AFG1L: variants seen among roughly 807,000 people sequenced by gnomAD.
The protein encoded by AFG1L is AFG1-like ATPase.
A neutral mutation model predicts 62.2 loss-of-function variants in AFG1L; 53 were observed. That is an observed-to-expected ratio of 0.85 (90% CI 0.68 to 1.07). AFG1L has a LOEUF of 1.07. Among genes scored for constraint, AFG1L ranks in the 50% least tolerant of loss-of-function variants. AFG1L has a pLI of 0.00. For missense variants in AFG1L, 555 were observed against 590.5 expected, an observed-to-expected ratio of 0.94 and a Z score of 0.62; for synonymous variants, 228 against 210.3, an observed-to-expected ratio of 1.08 and a Z score of -0.73.
intron 6 of AFG1L, among the ~76,000 whole-genome samples, chr6:108,399,589 A>G (rs1290658777): frequency 2.0e-5 from 3 of 151,016 alleles, no homozygotes; most frequent in Non-Finnish European, 4.4e-5. Flanking sequence ...TACTGCTGGC[A>G]TATATAAATG....
chr6:108,474,094 T>C (rs1187567318), intron 8 of AFG1L, among the ~76,000 whole-genome samples: 3 of 152,224 alleles, frequency 2.0e-5, no homozygotes, highest in Admixed American at 2.0e-4. Flanking sequence ...CCATGTGTTC[T>C]CATTGTTCAG....
At chr6:108,361,441 T>A (rs1779524427) in intron 5 of AFG1L, among the ~76,000 whole-genome samples, 1 of 151,804 alleles carries the variant, frequency 6.6e-6, no homozygotes, top group Non-Finnish European at 1.5e-5. Context: ...TAATGAAGAG[T>A]CAGGCAGAGA....
At chr6:108,500,044 A>C (rs1188521407) in intron 10 of AFG1L, among the ~76,000 whole-genome samples, 1 of 152,094 alleles carries the variant, frequency 6.6e-6, no homozygotes, top group African/African-American at 2.4e-5. Context: ...AAGTGAGAAC[A>C]TGCAGTATTT....
At chr6:108,324,441 A>G (rs1314222019) in intron 2 of AFG1L, among the ~76,000 whole-genome samples, 1 of 152,164 alleles carries the variant, frequency 6.6e-6, no homozygotes, top group African/African-American at 2.4e-5. Context: ...GAGAAGAATG[A>G]AAGATTAGAG....
At chr6:108,340,563 C>T (rs570421166) in intron 2 of AFG1L, among the ~76,000 whole-genome samples, 57 of 152,140 alleles carry the variant, frequency 3.7e-4, no homozygotes, top group Non-Finnish European at 4.9e-4. Context: ...CAGGGTCTCA[C>T]CATGTTGGTC....
intron 6 of AFG1L, chr6:108,387,727 T>A (rs938169850): frequency 3.9e-5 from 6 of 152,170 alleles, no homozygotes; most frequent in African/African-American, 1.4e-4. Context: ...AAGGGACAAG[T>A]CATAGATTAA....
intron 10 of AFG1L, among the ~76,000 whole-genome samples, chr6:108,494,775 CT>C (rs757204340): frequency 7.8e-4 from 111 of 142,156 alleles, no homozygotes; most frequent in South Asian, 1.8e-3. Context: ...CTTTTCTTTT[CT>C]TTTTTTTTTT....
intron 8 of AFG1L, among the ~76,000 whole-genome samples, chr6:108,475,629 T>A (rs1191859634): frequency 1.3e-5 from 2 of 152,212 alleles, no homozygotes; most frequent in Non-Finnish European, 2.9e-5. Flanking sequence ...CTCATGGAAG[T>A]CAAATAGCAT....
intron 1 of AFG1L, among the ~76,000 whole-genome samples, chr6:108,314,880 C>T (rs575953067): frequency 2.0e-5 from 3 of 152,176 alleles, no homozygotes; most frequent in South Asian, 2.1e-4. Flanking sequence ...CTTGCTCTCA[C>T]CCAGGCTAGA....
intron 6 of AFG1L, among the ~76,000 whole-genome samples, chr6:108,379,300 G>A (rs1201744729): frequency 6.6e-5 from 10 of 152,166 alleles, no homozygotes; most frequent in Admixed American, 2.0e-4. Context: ...ATGAGCCACC[G>A]CGCCCGGCTG....
chr6:108,302,697 A>G (rs555678130), intron 1 of AFG1L, among the ~76,000 whole-genome samples: 1 of 152,326 alleles, frequency 6.6e-6, no homozygotes, highest in African/African-American at 2.4e-5. Flanking sequence ...GATTCCTTAA[A>G]GGAAAGCACA....
intron 6 of AFG1L, among the ~76,000 whole-genome samples, chr6:108,384,795 T>C (rs1263153372): frequency 6.9e-6 from 1 of 145,348 alleles, no homozygotes; most frequent in Non-Finnish European, 1.5e-5. Flanking sequence ...AAATATAATA[T>C]CTTATATAAA....
At chr6:108,331,235 G>A (rs1185053160) in intron 2 of AFG1L, among the ~76,000 whole-genome samples, 3 of 152,120 alleles carry the variant, frequency 2.0e-5, no homozygotes, top group African/African-American at 4.8e-5. Context: ...GCAGTAAGCC[G>A]AGATCGTGCC....
chr6:108,505,633 A>G (rs1385626927), intron 10 of AFG1L, among the ~76,000 whole-genome samples: 1 of 152,180 alleles, frequency 6.6e-6, no homozygotes, highest in Non-Finnish European at 1.5e-5. Context: ...ATCTAGAGAT[A>G]ATAAAAAGAG....
At chr6:108,457,753 G>A (rs951050354) in intron 8 of AFG1L, among the ~76,000 whole-genome samples, 1 of 151,912 alleles carries the variant, frequency 6.6e-6, no homozygotes, top group Non-Finnish European at 1.5e-5. Flanking sequence ...TAAAGGACAC[G>A]GTTTAACATT....
intron 1 of AFG1L, among the ~76,000 whole-genome samples, chr6:108,301,353 C>T (rs118054672): frequency 2.6e-5 from 4 of 152,276 alleles, no homozygotes; most frequent in East Asian, 1.9e-4. Context: ...TGGAGTTGCT[C>T]GAGTTCAAAT....
At chr6:108,431,367 G>T (rs958249314) in intron 7 of AFG1L, among the ~76,000 whole-genome samples, 2 of 152,062 alleles carry the variant, frequency 1.3e-5, no homozygotes, top group Non-Finnish European at 2.9e-5. Context: ...GCCTCCCAAA[G>T]TGCTGGGATT....
At chr6:108,390,188 G>T (rs530484414) in intron 6 of AFG1L, among the ~76,000 whole-genome samples, 71 of 152,246 alleles carry the variant, frequency 4.7e-4, no homozygotes, top group Admixed American at 1.0e-3. Context: ...CATTCATCAT[G>T]TAGTTCTCAT....
rs751462765 is a variant in AFG1L at position 108,447,218 on chromosome 6, A to G, written c.812A>G (p.Tyr271Cys). 9 of 1,579,650 alleles carry G rather than the reference A, an allele frequency of 5.7e-6. No homozygotes were observed. The highest frequency in any genetic ancestry group is 8.7e-7 in the Non-Finnish European group (1 of 1,150,918). ...CTTCATTTGTTTGGATTGTAGGAAT[A>G]TTGTAATACAGTCCAGCTAGATTCT... Reference protein sequence around the residue: ...FVPFIAVLKEYCNTVQLDSGI... With the variant: ...FVPFIAVLKECCNTVQLDSGI... Residue 271 changes from tyrosine (Y) to cysteine (C), a missense_variant, in exon 8 of 13, where the codon TAT becomes TGT. Transcript: ENST00000368977.
Sources: gnomAD v4.1 joint callset for allele counts (sites outside exome capture counted in the v4.1 genomes callset) on GRCh38, gnomAD v4.1.1 for gene constraint, MANE v1.5 for transcripts, NCBI Gene and HGNC (gene_info 2026-07-23, HGNC 2026-07-21) for gene names.